The following ARFGEF1 variants were observed in gnomAD, a reference collection of about 807,000 sequenced individuals.
The protein encoded by ARFGEF1 is ARF guanine nucleotide exchange factor 1, also known as brefeldin A-inhibited guanine nucleotide-exchange protein 1.
Under a neutral mutation model 231.0 loss-of-function variants are expected in ARFGEF1, and 42 were observed. The ratio of observed to expected loss-of-function variants is 0.18; its 90% confidence interval spans 0.14 to 0.24. The LOEUF is 0.24. Ranked by LOEUF, ARFGEF1 falls within the 10% of genes least tolerant of loss-of-function variation. The probability of loss-of-function intolerance (pLI) is 1.00; values close to 1 mark genes in which losing one functional copy is unlikely to be tolerated. For missense variants in ARFGEF1, 1,345 were observed against 2,192.0 expected, an observed-to-expected ratio of 0.61 and a Z score of 7.72; for synonymous variants, 710 against 732.3, an observed-to-expected ratio of 0.97 and a Z score of 0.49.
At chr8:67,238,004 A>G (rs1839822400) in intron 22 of ARFGEF1, among the ~76,000 whole-genome samples, 1 of 152,184 alleles carries the variant, frequency 6.6e-6, no homozygotes, top group South Asian at 2.1e-4. Flanking sequence ...TGCTTTAACA[A>G]TTAAATGTGA....
At chr8:67,200,765 A>G (rs575492526) in intron 37 of ARFGEF1, among the ~76,000 whole-genome samples, 2 of 152,344 alleles carry the variant, frequency 1.3e-5, no homozygotes, top group East Asian at 1.9e-4. Flanking sequence ...AGTTTCTTTC[A>G]ATGCAAAGCT....
chr8:67,267,761 C>T (rs766690427), intron 10 of ARFGEF1, among the ~76,000 whole-genome samples: 3 of 152,116 alleles, frequency 2.0e-5, no homozygotes, highest in South Asian at 2.1e-4. Flanking sequence ...ATATAACTTA[C>T]GCTTTTTTAA....
At chr8:67,341,315 A>T (rs1292915134) in intron 1 of ARFGEF1, among the ~76,000 whole-genome samples, 1 of 151,312 alleles carries the variant, frequency 6.6e-6, no homozygotes, top group Non-Finnish European at 1.5e-5. Context: ...AGGCCAGGAG[A>T]GGTAGCTCAT....
At chr8:67,299,436 A>C (rs979656883) in intron 3 of ARFGEF1, 81 bp from the exon 4 acceptor site, 1 of 1,302,484 alleles carries the variant, frequency 7.7e-7, no homozygotes, top group African/African-American at 1.6e-5. Context: ...TTAAAATTAC[A>C]GTATACAATT....
rs748646891 is a variant in ARFGEF1 at position 67,343,313 on chromosome 8, C to G, written c.-26G>C. 3 of 1,608,014 alleles carry G rather than the reference C, an allele frequency of 1.9e-6. No individual in the cohort carries two copies. Among genetic ancestry groups the G allele is most frequent in the East Asian group, 4.5e-5 (2 of 44,640 alleles). ...GGACGCAGAGAAGGAGGCGGCGGCT[C>G]GTCCGACCCGCGGCTCCCAGCGGCT... On this transcript the variant is annotated 5_prime_UTR_variant, in exon 1 of 39. Transcript: ENST00000262215.
At chr8:67,268,919 T>C (rs1402107723) in intron 10 of ARFGEF1, among the ~76,000 whole-genome samples, 2 of 152,134 alleles carry the variant, frequency 1.3e-5, no homozygotes. Flanking sequence ...TCAAAAACTT[T>C]TGGGATCCTC....
chr8:67,177,563 G>A, intron 5 of ARFGEF1: 2 of 658,892 alleles, frequency 3.0e-6, no homozygotes, highest in Non-Finnish European at 5.4e-6. Flanking sequence ...TCTGAAGTGT[G>A]ATAGTTGAAA....
intron 22 of ARFGEF1, among the ~76,000 whole-genome samples, chr8:67,237,056 C>G (rs1839792857): frequency 6.6e-6 from 1 of 152,180 alleles, no homozygotes; most frequent in Non-Finnish European, 1.5e-5. Context: ...GCAATTAACA[C>G]CTGTCATTAT....
intron 32 of ARFGEF1, among the ~76,000 whole-genome samples, chr8:67,217,031 G>A (rs1199540327): frequency 2.0e-5 from 3 of 150,428 alleles, no homozygotes; most frequent in African/African-American, 4.9e-5. Flanking sequence ...TTGGCCAGGC[G>A]CGGTGGCTCA....
At chr8:67,175,454 C>T (rs139599638), downstream of ARFGEF1, 649 of 1,613,730 alleles carry the variant, frequency 4.0e-4, 2 homozygotes, top group African/African-American at 8.1e-3. Context: ...ATAATCATTG[C>T]TGTGTCAAAT....
At chr8:67,193,244 G>A (rs138037265), downstream of ARFGEF1, among the ~76,000 whole-genome samples, 898 of 152,062 alleles carry the variant, frequency 5.9e-3, 9 homozygotes, top group African/African-American at 0.02. Flanking sequence ...GACTACAGGC[G>A]CCTGCCACCA....
At chr8:67,212,413 T>C (rs965148148) in intron 33 of ARFGEF1, among the ~76,000 whole-genome samples, 1 of 152,222 alleles carries the variant, frequency 6.6e-6, no homozygotes, top group African/African-American at 2.4e-5. Context: ...GAGTGTAACC[T>C]TGGAAAAATG....
At chr8:67,238,943 G>C in intron 20 of ARFGEF1, 50 bp from the exon 21 acceptor site, 1 of 1,381,156 alleles carries the variant, frequency 7.2e-7, no homozygotes, top group African/African-American at 1.4e-5. Context: ...AGAGCAGACT[G>C]ATTAATTCCC....
intron 17 of ARFGEF1, among the ~76,000 whole-genome samples, chr8:67,254,039 C>T (rs1018005200): frequency 3.3e-5 from 5 of 152,206 alleles, no homozygotes; most frequent in African/African-American, 1.2e-4. Flanking sequence ...ACTTTATATA[C>T]AGTGGGTATA....
chr8:67,176,824 C>T (rs530495591), intron 5 of ARFGEF1, among the ~76,000 whole-genome samples: 10 of 152,204 alleles, frequency 6.6e-5, no homozygotes, highest in East Asian at 5.8e-4. Flanking sequence ...GTAATCCCAG[C>T]GCTTTGGGAG....
intron 9 of ARFGEF1, among the ~76,000 whole-genome samples, chr8:67,275,474 G>A (rs578006610): frequency 6.6e-6 from 1 of 152,180 alleles, no homozygotes; most frequent in South Asian, 2.1e-4. Context: ...AGACCTTAAT[G>A]AATATGCATT....
At chr8:67,287,823 G>T in intron 7 of ARFGEF1, 132 bp downstream of exon 7, 1 of 521,768 alleles carries the variant, frequency 1.9e-6, no homozygotes, top group Non-Finnish European at 3.1e-6. Context: ...CCTAAATGTG[G>T]AATTTGTAAC....
intron 19 of ARFGEF1, among the ~76,000 whole-genome samples, chr8:67,242,926 T>C (rs79704917): frequency 0.016 from 2,462 of 152,278 alleles, 70 homozygotes; most frequent in African/African-American, 0.057. Flanking sequence ...GCTAAGGCTC[T>C]TCTGCCTGTG....
At chr8:67,190,721 C>A (rs759630451) in intron 5 of ARFGEF1, 1 of 1,613,798 alleles carries the variant, frequency 6.2e-7, no homozygotes, top group Non-Finnish European at 8.5e-7. Context: ...GCCCTCTGCA[C>A]GGGAGCGCAG....
Sources: gnomAD v4.1 joint callset for allele counts (sites outside exome capture counted in the v4.1 genomes callset) on GRCh38, gnomAD v4.1.1 for gene constraint, MANE v1.5 for transcripts, NCBI Gene and HGNC (gene_info 2026-07-23, HGNC 2026-07-21) for gene names.